Variants in NLGN4X observed in about 807,000 individuals in gnomAD.
The protein encoded by NLGN4X is neuroligin 4 X-linked.
In NLGN4X, 3 loss-of-function variants were observed where a neutral mutation model predicts 40.3. That is an observed-to-expected ratio of 0.07 (90% CI 0.03 to 0.19). NLGN4X has a LOEUF of 0.19. Ranked by LOEUF, NLGN4X falls within the 10% of genes least tolerant of loss-of-function variation. The probability of loss-of-function intolerance (pLI) is 1.00; values close to 1 mark genes in which losing one functional copy is unlikely to be tolerated. For synonymous variants in NLGN4X, 270 were observed against 306.8 expected (o/e 0.88, Z 1.25); for missense variants, 382 against 708.3 (o/e 0.54, Z 5.23).
chrX:5,954,391 CTTTTTTTT>C (rs764108500), intron 3 of NLGN4X, among the ~76,000 whole-genome samples: 18 of 55,868 alleles, frequency 3.2e-4, no homozygotes, highest in Non-Finnish European at 2.2e-4. Flanking sequence ...GCTTGGCTAA[CTTTTTTTT>C]TTTTTTTTTT....
chrX:5,980,734 T>C (rs2035362015), intron 3 of NLGN4X, among the ~76,000 whole-genome samples: 1 of 110,575 alleles, frequency 9.0e-6, no homozygotes, highest in Non-Finnish European at 1.9e-5. Flanking sequence ...GTGGTGTCTC[T>C]AGTCTATGAT....
chrX:6,002,800 T>C (rs12010170), intron 3 of NLGN4X, among the ~76,000 whole-genome samples: 31,125 of 110,920 alleles, frequency 0.28, 3,929 homozygotes, highest in African/African-American at 0.49. Flanking sequence ...ACTCCAGGCA[T>C]AGCTTGGAAA....
At chrX:5,997,638 G>A (rs868015452) in intron 3 of NLGN4X, among the ~76,000 whole-genome samples, 1 of 11,815 alleles carries the variant, frequency 8.5e-5, no homozygotes, top group Non-Finnish European at 1.8e-4. Flanking sequence ...ATATACACAC[G>A]TATATATATA....
At chrX:6,143,895 G>A (rs942050849) in intron 2 of NLGN4X, among the ~76,000 whole-genome samples, 3 of 111,935 alleles carry the variant, frequency 2.7e-5, no homozygotes, top group Middle Eastern at 4.2e-3. Context: ...ATTTTTCATC[G>A]TTTCTTTTTT....
intron 2 of NLGN4X, among the ~76,000 whole-genome samples, chrX:6,077,440 C>A (rs1209360214): frequency 9.2e-6 from 1 of 108,982 alleles, no homozygotes; most frequent in Admixed American, 9.9e-5. Flanking sequence ...AGGCACACAC[C>A]AGGATGCCTA....
At chrX:6,054,849 C>T (rs186869452) in intron 2 of NLGN4X, among the ~76,000 whole-genome samples, 1 of 111,117 alleles carries the variant, frequency 9.0e-6, no homozygotes, top group East Asian at 2.9e-4. Context: ...GTAGAGACAG[C>T]GTTTCACCAT....
intron 3 of NLGN4X, among the ~76,000 whole-genome samples, chrX:5,968,204 T>C (rs1175573483): frequency 9.2e-6 from 1 of 108,462 alleles, no homozygotes; most frequent in Non-Finnish European, 1.9e-5. Context: ...CAGCTCCCTT[T>C]TCGATGGTTC....
intron 2 of NLGN4X, among the ~76,000 whole-genome samples, chrX:6,136,762 C>T (rs1439013309): frequency 3.6e-5 from 4 of 112,261 alleles, no homozygotes; most frequent in Non-Finnish European, 5.6e-5. Flanking sequence ...GAAGGATTTA[C>T]ACAAAGGCAG....
At chrX:6,014,685 G>C (rs2036348032) in intron 3 of NLGN4X, among the ~76,000 whole-genome samples, 1 of 111,985 alleles carries the variant, frequency 8.9e-6, no homozygotes, top group Non-Finnish European at 1.9e-5. Context: ...TCATGGAGTA[G>C]AAGAGCTAAA....
intron 1 of NLGN4X, among the ~76,000 whole-genome samples, chrX:6,207,859 G>C (rs1461087227): frequency 9.0e-6 from 1 of 111,677 alleles, no homozygotes; most frequent in Non-Finnish European, 1.9e-5. Flanking sequence ...CCTATTATGA[G>C]GTCACTTATG....
intron 2 of NLGN4X, among the ~76,000 whole-genome samples, chrX:6,048,118 C>T (rs147433802): frequency 1.2e-3 from 136 of 111,489 alleles, no homozygotes; most frequent in African/African-American, 4.4e-3. Flanking sequence ...TGTTTGCGAT[C>T]CACTCTGTGA....
chrX:6,196,318 G>A (rs1256575966), intron 1 of NLGN4X, among the ~76,000 whole-genome samples: 2 of 110,864 alleles, frequency 1.8e-5, no homozygotes, highest in East Asian at 2.8e-4. Flanking sequence ...TCGGGAGGCC[G>A]AGGTGGGCGG....
chrX:6,144,330 G>A (rs1376746427), intron 2 of NLGN4X, among the ~76,000 whole-genome samples: 5 of 110,908 alleles, frequency 4.5e-5, no homozygotes, highest in Non-Finnish European at 9.4e-5. Flanking sequence ...CAGAGACTCT[G>A]AACTTTTGTT....
intron 5 of NLGN4X, among the ~76,000 whole-genome samples, chrX:5,899,405 C>T (rs1338726137): frequency 1.8e-5 from 2 of 111,776 alleles, no homozygotes; most frequent in African/African-American, 6.5e-5. Flanking sequence ...CATGTCAGGG[C>T]CTTCATGAAA....
intron 3 of NLGN4X, among the ~76,000 whole-genome samples, chrX:5,978,274 TTCTTTCTTTCTTTCTTTCTTTC>T (rs1185038876): frequency 1.7e-3 from 2 of 1,171 alleles, no homozygotes; most frequent in African/African-American, 4.3e-3. Flanking sequence ...GTCTCTTTTT[TTCTTTCTTTCTTTCTTTCTTTC>T]TTTCTTTCTT....
At chrX:6,083,582 A>T (rs1295795543) in intron 2 of NLGN4X, among the ~76,000 whole-genome samples, 1 of 112,075 alleles carries the variant, frequency 8.9e-6, no homozygotes, top group Non-Finnish European at 1.9e-5. Flanking sequence ...ATAACAATCT[A>T]AACTGAGATA....
chrX:6,010,545 T>TA (rs1569184098), intron 3 of NLGN4X, among the ~76,000 whole-genome samples: 2 of 105,556 alleles, frequency 1.9e-5, no homozygotes, highest in Non-Finnish European at 3.9e-5. Context: ...TTATTATTAT[T>TA]TTAGACGAAG....
rs1385549003 is a variant in NLGN4X at position 6,228,863 on chromosome X, T to G, written c.-628A>C. On this transcript the variant is annotated 5_prime_UTR_variant, in exon 1 of 6. Coordinates refer to ENST00000381095, the MANE Select transcript of NLGN4X (RefSeq NM_181332.3). The stretch of plus-strand genomic sequence containing the variant: ...GAGACAGAGAAGGGAGAGAGACGGT[T>G]CTGCAAGAAAAAGAGAGATTGAGGA... 1.8e-5 allele frequency: 2 copies of G among 112,084 alleles called. No individual in the cohort carries two copies. Among genetic ancestry groups the G allele is most frequent in the Non-Finnish European group, 3.8e-5 (2 of 53,265 alleles). The allele number at this position is 112,084 out of a possible 1,213,427, so 9.2% of individuals were successfully genotyped here.
At position 6,170,977 on chromosome X, in the gene NLGN4X, C is replaced by T. The variant is rs200364392; in HGVS notation, c.-305-19206G>A. On this transcript the variant is annotated intron_variant, in intron 1 of 5. Coordinates refer to ENST00000381095, the MANE Select transcript of NLGN4X (RefSeq NM_181332.3). Reference sequence around the variant, plus strand: ...TAACTGGGACTACAGCCACACACCACCATGCCCAGATAATTTTTGAATTTT... The same window carrying T: ...TAACTGGGACTACAGCCACACACCATCATGCCCAGATAATTTTTGAATTTT... Among the ~76,000 whole-genome samples the T allele has an allele frequency of 4.5e-5, 5 of 111,230 alleles. No individual in the cohort carries two copies. In the East Asian group the frequency reaches 1.4e-3, roughly 32 times the overall value.
Sources: gnomAD v4.1 joint callset for allele counts (sites outside exome capture counted in the v4.1 genomes callset) on GRCh38, gnomAD v4.1.1 for gene constraint, MANE v1.5 for transcripts, NCBI Gene and HGNC (gene_info 2026-07-23, HGNC 2026-07-21) for gene names.